The following FAM193B variants were observed in gnomAD, a reference collection of about 807,000 sequenced individuals.
FAM193B encodes protein FAM193B.
A neutral mutation model predicts 70.7 loss-of-function variants in FAM193B; 27 were observed. That is an observed-to-expected ratio of 0.38 (90% CI 0.28 to 0.53). The LOEUF is 0.53. Ranked by LOEUF, FAM193B falls within the 20% of genes least tolerant of loss-of-function variation. The pLI, the probability that FAM193B is intolerant of heterozygous loss-of-function variation, is 0.81. For synonymous variants in FAM193B, 448 were observed against 436.0 expected (o/e 1.03, Z -0.34); for missense variants, 1,022 against 1,072.5 (o/e 0.95, Z 0.66).
chr5:177,538,177 G>A lies in FAM193B; in HGVS notation c.454-70C>T, dbSNP rs1764412038. ...TCGGAGCTGACCCTCTGCTGCCTCA[G>A]CTTTTCCTGAGGGAGCTCCTTCTCC... is the stretch of plus-strand genomic sequence containing the variant. On this transcript the variant is annotated intron_variant, in intron 2 of 8. Transcript: ENST00000514747. This position sits in a 1 kb window ranked among gnomAD's most constrained non-coding sequence, Gnocchi z 4.1. 6.9e-7 allele frequency: 1 copy of A among 1,449,030 alleles called. No individual in the cohort carries two copies. Among genetic ancestry groups the A allele is most frequent in the Non-Finnish European group, 9.2e-7 (1 of 1,089,930 alleles). 89.8% of individuals were successfully genotyped at this position (1,449,030 alleles called of 1,614,324 possible).
At chr5:177,553,542 T>G in intron 1 of FAM193B, 1 of 1,135,988 alleles carries the variant, frequency 8.8e-7, no homozygotes, top group Non-Finnish European at 1.1e-6. Context: ...TTCTTCCAGG[T>G]GGCAAGCTGG....
intron 1 of FAM193B, among the ~76,000 whole-genome samples, chr5:177,543,734 C>T (rs987880205): frequency 3.9e-5 from 6 of 152,192 alleles, no homozygotes; most frequent in African/African-American, 1.4e-4. Context: ...TTCAGAGTTC[C>T]CTTTGACTGT....
intron 1 of FAM193B, among the ~76,000 whole-genome samples, chr5:177,550,122 C>A (rs1766008401): frequency 6.6e-6 from 1 of 151,990 alleles, no homozygotes; most frequent in Admixed American, 6.6e-5. Flanking sequence ...TGAGGATAGC[C>A]TGGGCAACAT....
chr5:177,550,595 G>A (rs1430654740), intron 1 of FAM193B, among the ~76,000 whole-genome samples: 1 of 152,210 alleles, frequency 6.6e-6, no homozygotes, highest in Non-Finnish European at 1.5e-5. Context: ...GGTAGGATGA[G>A]TTCACCTCTC....
At chr5:177,536,908 C>T (rs925402619) in intron 3 of FAM193B, among the ~76,000 whole-genome samples, 163 bp from the exon 4 acceptor site, 1 of 152,208 alleles carries the variant, frequency 6.6e-6, no homozygotes, top group Non-Finnish European at 1.5e-5. Context: ...GGCAGCAACA[C>T]AGCTGAGCAG....
At chr5:177,548,206 C>T (rs930221910) in intron 1 of FAM193B, among the ~76,000 whole-genome samples, 6 of 152,118 alleles carry the variant, frequency 3.9e-5, no homozygotes, top group African/African-American at 1.4e-4. Context: ...TGTTTAAAAA[C>T]GTATCTCTAG....
chr5:177,532,296 C>A lies in FAM193B; in HGVS notation c.1275+147G>T. On this transcript the variant is annotated intron_variant, in intron 5 of 8. Transcript: ENST00000514747. The surrounding 1 kb of genome is among the most constrained non-coding windows in gnomAD (Gnocchi z 4.9). The stretch of plus-strand genomic sequence containing the variant: ...TACCTCACAAATGTGCTGTGAGGAT[C>A]AAGCGAGCAGACGCAGGTGCAAGGA... The A allele has an allele frequency of 1.3e-6, 2 of 1,481,506 alleles. No individual in the cohort carries two copies. Among genetic ancestry groups the A allele is most frequent in the Non-Finnish European group, 1.8e-6 (2 of 1,117,354 alleles). The allele number at this position is 1,481,506 out of a possible 1,614,324, so 91.8% of individuals were successfully genotyped here.
intron 1 of FAM193B, among the ~76,000 whole-genome samples, chr5:177,550,255 G>A (rs1766027733): frequency 6.6e-6 from 1 of 152,308 alleles, no homozygotes; most frequent in Middle Eastern, 3.4e-3. Context: ...AGAAGAACCA[G>A]AGGTGGCAAG....
chr5:177,532,377 C>G lies in FAM193B; in HGVS notation c.1275+66G>C. 3 of 1,545,776 alleles carry G rather than the reference C, an allele frequency of 1.9e-6. No individual in the cohort carries two copies. The highest frequency in any genetic ancestry group is 2.6e-6 in the Non-Finnish European group (3 of 1,148,722). On this transcript the variant is annotated intron_variant, in intron 5 of 8. Coordinates refer to ENST00000514747, the MANE Select transcript of FAM193B (RefSeq NM_001190946.3). This position sits in a 1 kb window ranked among gnomAD's most constrained non-coding sequence, Gnocchi z 4.9. ...TGAGCAACGGGGTCTCTGGGGAGAG[C>G]AGGGTGCTCCTTTTGCTCACCTTGG... is the stretch of plus-strand genomic sequence containing the variant.
rs1304235169 is a variant in FAM193B, at chr5:177,524,874, G to A, written c.1607C>T (p.Pro536Leu). 4.6e-6 allele frequency: 7 copies of A among 1,511,580 alleles called. No homozygotes were observed. Among genetic ancestry groups the A allele is most frequent in the Non-Finnish European group, 1.8e-6 (2 of 1,131,898 alleles). 93.6% of individuals were successfully genotyped at this position (1,511,580 alleles called of 1,614,324 possible). ...GTTCTGAGGGGAGCCCAAAGTCAAA[G>A]GGGACAGGTCAAGGTTGATGTCAGG... ...QQPDINLDLS[P>L]LTLGSPQNHT... The change falls in exon 6 of 9, where the codon CCT becomes CTT. Residue 536 changes from proline to leucine, a missense_variant. Transcript: ENST00000514747.
At chr5:177,544,439 T>C (rs1765185178) in intron 1 of FAM193B, among the ~76,000 whole-genome samples, 1 of 152,218 alleles carries the variant, frequency 6.6e-6, no homozygotes, top group African/African-American at 2.4e-5. Context: ...ACTGAAAGAA[T>C]GACTTACTAT....
rs77958294 is a variant in FAM193B at position 177,539,236 on chromosome 5, C to T, written c.211-89G>A. The T allele has an allele frequency of 4.6e-4, 660 of 1,424,366 alleles. 1 individual carries two copies. The African/African-American group carries it at 8.7e-3, about 19-fold the overall frequency. 88.2% of individuals were successfully genotyped at this position (1,424,366 alleles called of 1,614,324 possible). A position where few individuals can be genotyped will look rare whatever the true frequency, so the allele number is the denominator to read the frequency against. ...ACAATATTAGTAATGCCACTTATTA[C>T]GTGCCAGGCACTGGGTTAGGCACTT... On this transcript the variant is annotated intron_variant, in intron 1 of 8. Coordinates refer to ENST00000514747, the MANE Select transcript of FAM193B (RefSeq NM_001190946.3).
At chr5:177,526,282 GGAA>G (rs1762586018) in intron 5 of FAM193B, among the ~76,000 whole-genome samples, 2 of 152,306 alleles carry the variant, frequency 1.3e-5, no homozygotes, top group Non-Finnish European at 2.9e-5. Flanking sequence ...TTGTAAATTA[GGAA>G]GAAGAGGCAT....
chr5:177,536,356 ACCTGTGAGTG>A lies in FAM193B; in HGVS notation c.1068_1076+1del. On this transcript the variant is annotated splice_donor_variant and coding_sequence_variant, in exon 4 of 9. Coordinates refer to ENST00000514747, the MANE Select transcript of FAM193B (RefSeq NM_001190946.3). LOFTEE classifies it high-confidence loss of function. ...AGTTTGCCCTTCATGCAGCACACTT[ACCTGTGAGTG>A]CTAGGGAGTGGCTGAGAGCTCGGGG... The A allele has an allele frequency of 6.2e-7, 1 of 1,607,654 alleles. No homozygotes were observed. Among genetic ancestry groups the A allele is most frequent in the Non-Finnish European group, 8.5e-7 (1 of 1,177,956 alleles).
chr5:177,526,865 C>G (rs190642986), intron 5 of FAM193B, among the ~76,000 whole-genome samples: 7 of 152,338 alleles, frequency 4.6e-5, no homozygotes, highest in African/African-American at 1.7e-4. Flanking sequence ...GGCTGTGAGG[C>G]AGCAGGCCAG....
chr5:177,541,321 G>A (rs1561778993), intron 1 of FAM193B, among the ~76,000 whole-genome samples: 1 of 152,186 alleles, frequency 6.6e-6, no homozygotes, highest in Non-Finnish European at 1.5e-5. Context: ...CGAGCACCAA[G>A]ACATGTAATT....
Position 177,554,453 on chromosome 5 carries a change from C to T in FAM193B, c.6G>A (p.Thr2=), listed in dbSNP as rs1766785704. ...CGCCGCTCGGCCTGCTCCGCCTCCG[C>T]GTCATGCCGCCGCTCGCGCCGCTCC... The part of the protein sequence containing the change: M[T]RRRSRPSGGA... The change falls in exon 1 of 9, where the codon ACG becomes ACA. Residue 2 remains threonine (T), a synonymous_variant. Transcript: ENST00000514747. 2.9e-6 allele frequency: 3 copies of T among 1,034,100 alleles called. No individual in the cohort carries two copies. Among genetic ancestry groups the T allele is most frequent in the Non-Finnish European group, 3.5e-6 (3 of 867,420 alleles). 64.1% of individuals were successfully genotyped at this position (1,034,100 alleles called of 1,614,324 possible).
intron 7 of FAM193B, among the ~76,000 whole-genome samples, chr5:177,522,763 G>A (rs943768006): frequency 2.0e-5 from 3 of 152,210 alleles, no homozygotes; most frequent in African/African-American, 7.2e-5. Context: ...TACCCAGGCT[G>A]AAGTGCAATG....
Position 177,553,698 on chromosome 5 carries a change from C to T in FAM193B, c.210+551G>A, listed in dbSNP as rs1321813406. 3.9e-6 allele frequency: 5 copies of T among 1,287,694 alleles called. No individual in the cohort carries two copies. The Admixed American group carries it at 1.1e-4, about 30-fold the overall frequency. The allele number at this position is 1,287,694 out of a possible 1,614,324, so 79.8% of individuals were successfully genotyped here. A position where few individuals can be genotyped will look rare whatever the true frequency, so the allele number is the denominator to read the frequency against. On this transcript the variant is annotated intron_variant, in intron 1 of 8. Transcript: ENST00000514747. ...TTCCACCTCAGTGCAGAAACCCCAC[C>T]AAAAACTCCTCCGGGCAGCCTGGCT...
Sources: gnomAD v4.1 joint callset for allele counts (sites outside exome capture counted in the v4.1 genomes callset) on GRCh38, gnomAD v4.1.1 for gene constraint, Gnocchi (gnomAD v3.1) non-coding constraint, MANE v1.5 for transcripts, NCBI Gene and HGNC (gene_info 2026-07-23, HGNC 2026-07-21) for gene names.